Variants in IL1RAPL1 observed in about 807,000 individuals in gnomAD.
IL1RAPL1 encodes interleukin 1 receptor accessory protein like 1.
IL1RAPL1 carries 3 observed loss-of-function variants against 48.4 expected under a neutral mutation model. The ratio of observed to expected loss-of-function variants is 0.06; its 90% CI spans 0.03 to 0.16. The LOEUF is 0.16. IL1RAPL1 is among the 10% of genes least tolerant of loss of function. IL1RAPL1 has a pLI of 1.00. For missense variants in IL1RAPL1, 349 were observed against 530.6 expected, an observed-to-expected ratio of 0.66 and a Z score of 3.36; for synonymous variants, 185 against 187.7, an observed-to-expected ratio of 0.99 and a Z score of 0.12.
intron 2 of IL1RAPL1, among the ~76,000 whole-genome samples, chrX:29,260,950 C>T (rs767488370): frequency 2.3e-4 from 24 of 103,071 alleles, no homozygotes; most frequent in South Asian, 8.4e-4. Flanking sequence ...TATAACTGAA[C>T]GAATAAAATA....
intron 2 of IL1RAPL1, among the ~76,000 whole-genome samples, chrX:29,136,021 G>A (rs1484824997): frequency 2.7e-5 from 3 of 111,992 alleles, no homozygotes; most frequent in East Asian, 2.8e-4. Context: ...ACAGGCATGA[G>A]CCACTGTGCT....
intron 2 of IL1RAPL1, among the ~76,000 whole-genome samples, chrX:29,069,575 C>T (rs1398051150): frequency 1.9e-5 from 2 of 106,110 alleles, no homozygotes; most frequent in Non-Finnish European, 3.9e-5. Context: ...CTAAATGGCA[C>T]ACTAAACACA....
intron 6 of IL1RAPL1, among the ~76,000 whole-genome samples, chrX:29,774,910 A>G (rs1054971476): frequency 5.3e-5 from 6 of 112,652 alleles, no homozygotes; most frequent in Admixed American, 9.5e-5. Flanking sequence ...CAGTTTAAGC[A>G]TACTTTTCCT....
chrX:29,406,443 C>G (rs1436187476), intron 5 of IL1RAPL1, among the ~76,000 whole-genome samples: 2 of 110,821 alleles, frequency 1.8e-5, no homozygotes, highest in African/African-American at 3.3e-5. Context: ...ACATTGCAAT[C>G]TCTCTTCTTA....
At chrX:28,961,829 G>T (rs1408997699) in intron 2 of IL1RAPL1, among the ~76,000 whole-genome samples, 2 of 111,116 alleles carry the variant, frequency 1.8e-5, no homozygotes, top group Non-Finnish European at 3.8e-5. Context: ...TTGTCTCCTG[G>T]GAAGCAAAAT....
At chrX:29,848,348 T>C (rs931568876) in intron 6 of IL1RAPL1, among the ~76,000 whole-genome samples, 1 of 110,992 alleles carries the variant, frequency 9.0e-6, no homozygotes, top group Non-Finnish European at 1.9e-5. Context: ...TCCCTAATCT[T>C]ACGTGGCTAA....
At chrX:29,282,555 A>G (rs1932218545) in intron 2 of IL1RAPL1, among the ~76,000 whole-genome samples, 1 of 111,990 alleles carries the variant, frequency 8.9e-6, no homozygotes, top group Non-Finnish European at 1.9e-5. Context: ...ATGTCTCACC[A>G]GTGCCCTCTC....
chrX:29,263,868 C>G, intron 2 of IL1RAPL1, among the ~76,000 whole-genome samples: 2 of 99,657 alleles, frequency 2.0e-5, no homozygotes, highest in South Asian at 6.2e-4. Context: ...TCTCCCCCCC[C>G]CCCGCTCTCA....
intron 3 of IL1RAPL1, among the ~76,000 whole-genome samples, chrX:29,335,306 AG>A (rs1157391836): frequency 6.6e-3 from 4 of 607 alleles, no homozygotes; most frequent in African/African-American, 8.8e-3. Flanking sequence ...GAGAGGGGAG[AG>A]GGGAGAGGGG....
At chrX:29,411,772 A>G (rs189262599) in intron 5 of IL1RAPL1, among the ~76,000 whole-genome samples, 2 of 107,082 alleles carry the variant, frequency 1.9e-5, no homozygotes, top group South Asian at 4.0e-4. Context: ...AGGCATTACT[A>G]TCTATATTTA....
At chrX:29,536,182 G>C (rs1028095186) in intron 5 of IL1RAPL1, among the ~76,000 whole-genome samples, 1 of 111,960 alleles carries the variant, frequency 8.9e-6, no homozygotes, top group Non-Finnish European at 1.9e-5. Context: ...ACCGTTTATG[G>C]TGTACTACTA....
chrX:29,514,840 A>G (rs1165905748), intron 5 of IL1RAPL1, among the ~76,000 whole-genome samples: 1 of 112,955 alleles, frequency 8.9e-6, no homozygotes, highest in Non-Finnish European at 1.9e-5. Context: ...GTTCCTGTCT[A>G]AAACCTAAAG....
Position 29,881,196 on chromosome X carries a change from C to T in IL1RAPL1, c.779-36268C>T, listed in dbSNP as rs188552227. Among the ~76,000 whole-genome samples, 355 of 110,706 alleles carry T rather than the reference C, an allele frequency of 3.2e-3. 1 individual carries two copies. Among genetic ancestry groups the T allele is most frequent in the Non-Finnish European group, 5.2e-3 (277 of 52,834 alleles). On this transcript the variant is annotated intron_variant, in intron 6 of 10. Coordinates refer to ENST00000378993, the MANE Select transcript of IL1RAPL1 (RefSeq NM_014271.4). ...TACTTTTTCAATACTCATGACAGCA[C>T]GCAGTCTAAGGCAAAACAGAAGTGA...
intron 1 of IL1RAPL1, among the ~76,000 whole-genome samples, chrX:28,770,230 G>T (rs935259118): frequency 1.8e-4 from 20 of 111,856 alleles, no homozygotes; most frequent in African/African-American, 6.5e-4. Context: ...GAGCTGGGGA[G>T]GATCTAGTTT....
At position 29,329,830 on chromosome X, in the gene IL1RAPL1, AC is replaced by A. The variant is rs1314936321; in HGVS notation, c.362+46614del. On this transcript the variant is annotated intron_variant, in intron 3 of 10. Coordinates refer to ENST00000378993, the MANE Select transcript of IL1RAPL1 (RefSeq NM_014271.4). ...CTCCGTCTTAAAAAAAAAAAAAAAA[AC>A]AACTACTGATACATGTTACAACATT... 3.6e-5 allele frequency among the ~76,000 whole-genome samples: 4 copies of A among 110,127 alleles called. No homozygotes were observed. In the East Asian group the frequency reaches 8.5e-4, roughly 23 times the overall value.
At chrX:29,069,604 G>A (rs5985950) in intron 2 of IL1RAPL1, among the ~76,000 whole-genome samples, 30,128 of 95,105 alleles carry the variant, frequency 0.32, 4,450 homozygotes, top group African/African-American at 0.55. Context: ...CCATGCCCCT[G>A]TTTCTTCAGA....
At chrX:28,603,560 A>ACTAT (rs1934050329) in intron 1 of IL1RAPL1, among the ~76,000 whole-genome samples, 1 of 111,984 alleles carries the variant, frequency 8.9e-6, no homozygotes, top group African/African-American at 3.2e-5. Context: ...CTTTAGTATA[A>ACTAT]GGCTGAGAGG....
At chrX:29,876,388 G>T (rs1931904560) in intron 6 of IL1RAPL1, among the ~76,000 whole-genome samples, 1 of 111,662 alleles carries the variant, frequency 9.0e-6, no homozygotes, top group Non-Finnish European at 1.9e-5. Flanking sequence ...GCGAAATAGG[G>T]TTATAGTCTC....
chrX:28,800,460 G>T (rs1601909101), intron 2 of IL1RAPL1, among the ~76,000 whole-genome samples: 1 of 111,604 alleles, frequency 9.0e-6, no homozygotes, highest in East Asian at 2.8e-4. Flanking sequence ...AGATTATCCA[G>T]GGAAAACATG....
Sources: gnomAD v4.1 joint callset for allele counts (sites outside exome capture counted in the v4.1 genomes callset) on GRCh38, gnomAD v4.1.1 for gene constraint, MANE v1.5 for transcripts, NCBI Gene and HGNC (gene_info 2026-07-23, HGNC 2026-07-21) for gene names.